The following GRM8 variants were observed in gnomAD, a reference collection of about 807,000 sequenced individuals.
GRM8 encodes metabotropic glutamate receptor 8.
Under a neutral mutation model 87.2 loss-of-function variants are expected in GRM8, and 47 were observed. The observed-to-expected ratio is 0.54, with a 90% CI of 0.43 to 0.69. GRM8 has a LOEUF of 0.69. GRM8 is among the 30% of genes least tolerant of loss of function. GRM8 has a pLI of 0.00. For missense variants in GRM8, 1,019 were observed against 1,139.2 expected, an observed-to-expected ratio of 0.89 and a Z score of 1.52; for synonymous variants, 396 against 404.5, an observed-to-expected ratio of 0.98 and a Z score of 0.25.
chr7:126,632,107 G>A (rs928216319), intron 7 of GRM8, among the ~76,000 whole-genome samples: 2 of 151,996 alleles, frequency 1.3e-5, no homozygotes, highest in Non-Finnish European at 2.9e-5. Flanking sequence ...CCACAGAATG[G>A]GAGAAAATTT....
chr7:127,091,369 T>C (rs1286416074), intron 3 of GRM8, among the ~76,000 whole-genome samples: 1 of 130,090 alleles, frequency 7.7e-6, no homozygotes, highest in African/African-American at 3.0e-5. Context: ...ATCCCACTGA[T>C]CATCCTCCCA....
chr7:126,719,895 G>T (rs143475760), intron 7 of GRM8, among the ~76,000 whole-genome samples: 160 of 145,948 alleles, frequency 1.1e-3, no homozygotes, highest in African/African-American at 3.9e-3. Flanking sequence ...GATTTCTATA[G>T]CAAGTTCTAT....
At chr7:127,207,562 T>C (rs1440185018) in intron 2 of GRM8, among the ~76,000 whole-genome samples, 2 of 152,156 alleles carry the variant, frequency 1.3e-5, no homozygotes, top group African/African-American at 4.8e-5. Context: ...ATAATCCTGC[T>C]AGGAAGGTGT....
At chr7:126,736,073 T>C (rs972872605) in intron 7 of GRM8, among the ~76,000 whole-genome samples, 6 of 152,070 alleles carry the variant, frequency 3.9e-5, no homozygotes, top group African/African-American at 1.4e-4. Context: ...AAAAGACTCA[T>C]GGCTCAGCAC....
chr7:126,868,072 G>C (rs1448178589), intron 6 of GRM8, among the ~76,000 whole-genome samples: 1 of 152,190 alleles, frequency 6.6e-6, no homozygotes, highest in Non-Finnish European at 1.5e-5. Flanking sequence ...CCAGCTCTCA[G>C]GCTGGTGGGT....
intron 7 of GRM8, among the ~76,000 whole-genome samples, chr7:126,733,100 A>G (rs1412430236): frequency 6.6e-6 from 1 of 152,084 alleles, no homozygotes; most frequent in Non-Finnish European, 1.5e-5. Flanking sequence ...GGCCCAGGGA[A>G]GCCAAATGAC....
chr7:126,616,893 C>T (rs1277281312), intron 7 of GRM8, among the ~76,000 whole-genome samples: 2 of 152,080 alleles, frequency 1.3e-5, no homozygotes, highest in Non-Finnish European at 2.9e-5. Context: ...AATAGCCTAC[C>T]AACCAAAAAA....
At chr7:127,200,540 T>C (rs1266442847) in intron 2 of GRM8, among the ~76,000 whole-genome samples, 1 of 152,178 alleles carries the variant, frequency 6.6e-6, no homozygotes, top group Non-Finnish European at 1.5e-5. Flanking sequence ...AACAGCAATT[T>C]GTTATCTCAC....
intron 3 of GRM8, among the ~76,000 whole-genome samples, chr7:127,042,856 T>C (rs1386398302): frequency 1.3e-5 from 2 of 152,110 alleles, no homozygotes; most frequent in South Asian, 2.1e-4. Flanking sequence ...CTTTTTGCAA[T>C]CTACTCATCT....
At chr7:126,906,485 C>A (rs146376996) in intron 3 of GRM8, among the ~76,000 whole-genome samples, 2 of 152,060 alleles carry the variant, frequency 1.3e-5, no homozygotes, top group Non-Finnish European at 2.9e-5. Flanking sequence ...CCGCACTGGT[C>A]TCCTATAATA....
At chr7:126,643,162 T>C (rs1197816785) in intron 7 of GRM8, among the ~76,000 whole-genome samples, 3 of 150,796 alleles carry the variant, frequency 2.0e-5, no homozygotes, top group Non-Finnish European at 4.4e-5. Flanking sequence ...TGGTGAAGCA[T>C]GCCTGTGGTC....
chr7:127,050,178 A>G (rs1318419536), intron 3 of GRM8, among the ~76,000 whole-genome samples: 2 of 152,224 alleles, frequency 1.3e-5, no homozygotes, highest in African/African-American at 4.8e-5. Flanking sequence ...CATTGCAATC[A>G]CCCAGATGAG....
intron 7 of GRM8, among the ~76,000 whole-genome samples, chr7:126,668,550 C>CGAATGGCCCAAGGGTCCT (rs1168854760): frequency 6.6e-6 from 1 of 152,094 alleles, no homozygotes; most frequent in East Asian, 1.9e-4. Flanking sequence ...AGCACTGGGA[C>CGAATGGCCCAAGGGTCCT]GCATGGCCCA....
rs867682791 is a variant in GRM8, at chr7:126,792,119, A to G, written c.1157-22054T>C. On this transcript the variant is annotated intron_variant, in intron 6 of 10. Coordinates refer to ENST00000339582, the MANE Select transcript of GRM8 (RefSeq NM_000845.3). The stretch of plus-strand genomic sequence containing the variant: ...GGAGAGCAAGGCCCATGGTCCCAGG[A>G]TGCCCCTCAGCAAAAAATGCTAGAA... Among the ~76,000 whole-genome samples, 6 of 152,318 alleles carry G rather than the reference A, an allele frequency of 3.9e-5. No individual in the cohort carries two copies. In the South Asian group the frequency reaches 1.2e-3, roughly 32 times the overall value.
chr7:126,794,749 A>C (rs2151686546), intron 6 of GRM8, among the ~76,000 whole-genome samples: 1 of 152,280 alleles, frequency 6.6e-6, no homozygotes. Flanking sequence ...ACTAGAATTA[A>C]CCAGGATGCT....
intron 6 of GRM8, among the ~76,000 whole-genome samples, chr7:126,843,471 G>A (rs1193913717): frequency 1.3e-5 from 2 of 152,170 alleles, no homozygotes; most frequent in South Asian, 2.1e-4. Flanking sequence ...TTTAACCATT[G>A]ACGAAGCTTC....
chr7:126,726,110 AT>A (rs901313191), intron 7 of GRM8, among the ~76,000 whole-genome samples: 1 of 152,076 alleles, frequency 6.6e-6, no homozygotes, highest in African/African-American at 2.4e-5. Flanking sequence ...TTCTCACAGC[AT>A]TTTTTGAGAA....
rs1485304765 is a variant in GRM8, at chr7:126,806,959, G to A, written c.1157-36894C>T. On this transcript the variant is annotated intron_variant, in intron 6 of 10. Coordinates refer to ENST00000339582, the MANE Select transcript of GRM8 (RefSeq NM_000845.3). ...AGAGAGGGGCCCCCACAGCTCAGCG[G>A]TGGGCTGAAGGGCTCCTCGAGCGCG... is the stretch of plus-strand genomic sequence containing the variant. Among the ~76,000 whole-genome samples, 3 of 152,322 alleles carry A rather than the reference G, an allele frequency of 2.0e-5. No individual in the cohort carries two copies. The East Asian group carries it at 5.8e-4, about 30-fold the overall frequency.
chr7:126,837,955 TA>T (rs998712410), intron 6 of GRM8, among the ~76,000 whole-genome samples: 1 of 152,228 alleles, frequency 6.6e-6, no homozygotes, highest in East Asian at 1.9e-4. Context: ...GTGCTTCCCT[TA>T]AAAAATCTGA....
Sources: gnomAD v4.1 joint callset for allele counts (sites outside exome capture counted in the v4.1 genomes callset) on GRCh38, gnomAD v4.1.1 for gene constraint, MANE v1.5 for transcripts, NCBI Gene and HGNC (gene_info 2026-07-23, HGNC 2026-07-21) for gene names.